The following ZC3H3 variants were observed in gnomAD, a reference collection of about 807,000 sequenced individuals.
The protein encoded by ZC3H3 is zinc finger CCCH-type containing 3.
ZC3H3 carries 36 observed loss-of-function variants against 77.3 expected under a neutral mutation model. The observed-to-expected ratio is 0.47, with a 90% CI of 0.36 to 0.61. ZC3H3 has a LOEUF of 0.61. Ranked by LOEUF, ZC3H3 falls within the 20% of genes least tolerant of loss-of-function variation. ZC3H3 has a pLI of 0.00. For synonymous variants in ZC3H3, 626 were observed against 555.2 expected, an observed-to-expected ratio of 1.13 and a Z score of -1.79; for missense variants, 1,331 against 1,312.2, an observed-to-expected ratio of 1.01 and a Z score of -0.22.
chr8:143,477,552 C>T (rs1331801853), intron 4 of ZC3H3, among the ~76,000 whole-genome samples: 1 of 152,222 alleles, frequency 6.6e-6, no homozygotes, highest in Non-Finnish European at 1.5e-5. Flanking sequence ...CCAGCAGGTG[C>T]ATGGCCTGTA....
At chr8:143,455,977 T>TC (rs1820107234) in intron 9 of ZC3H3, among the ~76,000 whole-genome samples, 1 of 36,848 alleles carries the variant, frequency 2.7e-5, no homozygotes, top group African/African-American at 1.3e-4. Context: ...AGACTCTGTC[T>TC]CAAAAAAAAA....
At position 143,463,762 on chromosome 8, in the gene ZC3H3, C is replaced by T. The variant is rs568307966; in HGVS notation, c.2307+1955G>A. Among the ~76,000 whole-genome samples the T allele has an allele frequency of 1.5e-4, 23 of 152,304 alleles. No individual in the cohort carries two copies. The South Asian group carries it at 4.4e-3, about 29-fold the overall frequency. ...TCTGCGTCTCCGGGTCTGGGCAGGA[C>T]GTGGCAGACCCCGCAGGTGTGTACA... On this transcript the variant is annotated intron_variant, in intron 9 of 11. Coordinates refer to ENST00000262577, the MANE Select transcript of ZC3H3 (RefSeq NM_015117.3).
intron 3 of ZC3H3, among the ~76,000 whole-genome samples, chr8:143,518,729 A>G (rs1374353739): frequency 2.0e-5 from 3 of 152,184 alleles, no homozygotes; most frequent in Admixed American, 1.3e-4. Flanking sequence ...GGGAGCCACA[A>G]TCGCAGTCTC....
intron 4 of ZC3H3, among the ~76,000 whole-genome samples, chr8:143,477,900 C>T (rs1820782931): frequency 6.6e-6 from 1 of 152,212 alleles, no homozygotes; most frequent in Admixed American, 6.5e-5. Flanking sequence ...CCAAAGCTAA[C>T]TGTGGTCCTC....
intron 3 of ZC3H3, among the ~76,000 whole-genome samples, chr8:143,529,596 A>T (rs1259076226): frequency 6.6e-6 from 1 of 152,168 alleles, no homozygotes; most frequent in Non-Finnish European, 1.5e-5. Flanking sequence ...GTCGCACCAC[A>T]GTCGGGGGGA....
At chr8:143,535,374 G>A (rs1348712934) in intron 3 of ZC3H3, among the ~76,000 whole-genome samples, 1 of 152,116 alleles carries the variant, frequency 6.6e-6, no homozygotes, top group Non-Finnish European at 1.5e-5. Context: ...CCCAGTCGGA[G>A]TGCCCAGGTC....
At chr8:143,478,784 A>G (rs1237858871) in intron 4 of ZC3H3, among the ~76,000 whole-genome samples, 1 of 152,346 alleles carries the variant, frequency 6.6e-6, no homozygotes, top group South Asian at 2.1e-4. Context: ...TGCCGGGATT[A>G]CAGGCATGAG....
At position 143,533,906 on chromosome 8, in the gene ZC3H3, C is replaced by T. The variant is rs549017180; in HGVS notation, c.1561+2351G>A. Among the ~76,000 whole-genome samples the T allele has an allele frequency of 6.6e-6, 1 of 152,136 alleles. No individual in the cohort carries two copies. The highest frequency in any genetic ancestry group is 2.1e-4 in the South Asian group (1 of 4,824). On this transcript the variant is annotated intron_variant, in intron 3 of 11. Coordinates refer to ENST00000262577, the MANE Select transcript of ZC3H3 (RefSeq NM_015117.3). The surrounding 1 kb of genome is among the most constrained non-coding windows in gnomAD (Gnocchi z 4.0). ...GCCAAGGCTGGTCTTGAACTCCTGA[C>T]CTCAGGTGATCCACCCGCCTCGGCC...
intron 5 of ZC3H3, among the ~76,000 whole-genome samples, chr8:143,474,706 C>T (rs994807342): frequency 2.6e-5 from 4 of 152,366 alleles, no homozygotes; most frequent in East Asian, 1.9e-4. Flanking sequence ...CCCAACACCA[C>T]CTGCAATCTC....
At chr8:143,517,695 A>G (rs1214012404) in intron 3 of ZC3H3, among the ~76,000 whole-genome samples, 1 of 152,124 alleles carries the variant, frequency 6.6e-6, no homozygotes, top group Non-Finnish European at 1.5e-5. Context: ...ACCTGCTCCC[A>G]GTCTGGCCAT....
chr8:143,532,814 C>A (rs913695181), intron 3 of ZC3H3, among the ~76,000 whole-genome samples: 2 of 152,198 alleles, frequency 1.3e-5, no homozygotes, highest in Non-Finnish European at 2.9e-5. Context: ...TGGGCCCCAG[C>A]CTCCCATCTC....
intron 8 of ZC3H3, 40 bp from the exon 9 acceptor site, chr8:143,465,888 C>G: frequency 6.3e-7 from 1 of 1,591,020 alleles, no homozygotes; most frequent in African/African-American, 1.3e-5. Flanking sequence ...CAGGCAGCCA[C>G]CCTCCAGGGC....
Position 143,536,432 on chromosome 8 carries a change from GCTTTT to G in ZC3H3, c.1381_1385del (p.Lys461ArgfsTer163). ...TGGCGGTGGCGGCAGGTGAGGTGCC[GCTTTT>G]CTTGTCTCCAGGAAGGCTGTGGAGA... On this transcript the variant is annotated frameshift_variant, in exon 3 of 12. Coordinates refer to ENST00000262577, the MANE Select transcript of ZC3H3 (RefSeq NM_015117.3). LOFTEE classifies it high-confidence loss of function. 1 of 1,528,268 alleles carries G rather than the reference GCTTTT, an allele frequency of 6.5e-7. No individual in the cohort carries two copies. Among genetic ancestry groups the G allele is most frequent in the Non-Finnish European group, 8.8e-7 (1 of 1,133,620 alleles). The allele number at this position is 1,528,268 out of a possible 1,614,324, so 94.7% of individuals were successfully genotyped here.
intron 9 of ZC3H3, among the ~76,000 whole-genome samples, chr8:143,465,488 C>T (rs1268806478): frequency 6.6e-6 from 1 of 152,222 alleles, no homozygotes. Context: ...AAGTCTAGGT[C>T]CTCTGCGCCT....
At chr8:143,472,660 G>A (rs1820603026) in intron 5 of ZC3H3, among the ~76,000 whole-genome samples, 1 of 152,214 alleles carries the variant, frequency 6.6e-6, no homozygotes, top group South Asian at 2.1e-4. Flanking sequence ...GGGATGGCAG[G>A]TGCACCTCCC....
At chr8:143,441,465 C>T (rs1188279594) in intron 9 of ZC3H3, among the ~76,000 whole-genome samples, 1 of 152,222 alleles carries the variant, frequency 6.6e-6, no homozygotes, top group East Asian at 1.9e-4. Context: ...CCCAGCCAGC[C>T]CATCCTGGCA....
At chr8:143,498,966 G>A (rs1402156996) in intron 4 of ZC3H3, among the ~76,000 whole-genome samples, 15 of 151,420 alleles carry the variant, frequency 9.9e-5, no homozygotes, top group African/African-American at 3.4e-4. Flanking sequence ...CGGGGAAGAG[G>A]GGCACAGGGC....
At chr8:143,480,660 C>T (rs1820882707) in intron 4 of ZC3H3, among the ~76,000 whole-genome samples, 2 of 152,252 alleles carry the variant, frequency 1.3e-5, no homozygotes, top group Non-Finnish European at 2.9e-5. Flanking sequence ...ACACATCTGA[C>T]AAACCAATGC....
chr8:143,538,898 G>T lies in ZC3H3; in HGVS notation c.469C>A (p.Gln157Lys). The T allele has an allele frequency of 6.2e-7, 1 of 1,612,866 alleles. No homozygotes were observed. Reference sequence around the variant, plus strand: ...TCACCTTCACCTTCCCGGGGCCTTTGGTCACTCCAGGGGGTTTCCTCAAAT... The same window carrying T: ...TCACCTTCACCTTCCCGGGGCCTTTTGTCACTCCAGGGGGTTTCCTCAAAT... Reference protein sequence around the residue: ...EEFEETPWSDQRPREGEGEPP... With the variant: ...EEFEETPWSDKRPREGEGEPP... The change falls in exon 2 of 12, where the codon CAA becomes AAA. Residue 157 changes from glutamine to lysine, a missense_variant. Around this residue, in one of 3 missense-constraint regions of ZC3H3, gnomAD observed 978 missense variants for 915.5 expected, o/e 1.07. Transcript: ENST00000262577.
Sources: allele counts gnomAD v4.1 joint callset (sites outside exome capture counted in the v4.1 genomes callset), GRCh38; gene constraint gnomAD v4.1.1; regional missense constraint gnomAD v4.1.1; non-coding constraint Gnocchi (gnomAD v3.1); transcripts MANE v1.5; gene names NCBI Gene and HGNC (gene_info 2026-07-23, HGNC 2026-07-21).